The following PLPP3 variants were observed in gnomAD, a reference collection of about 807,000 sequenced individuals.
PLPP3 encodes the protein phospholipid phosphatase 3.
Under a neutral mutation model 29.6 loss-of-function variants are expected in PLPP3, and 6 were observed. That is an observed-to-expected ratio of 0.20 (90% CI 0.11 to 0.40). The LOEUF is 0.40. Ranked by LOEUF, PLPP3 falls within the 10% of genes least tolerant of loss-of-function variation. PLPP3 has a pLI of 1.00. For synonymous variants in PLPP3, 152 were observed against 159.7 expected, an observed-to-expected ratio of 0.95 and a Z score of 0.36; for missense variants, 308 against 407.7, an observed-to-expected ratio of 0.76 and a Z score of 2.11.
intron 5 of PLPP3, among the ~76,000 whole-genome samples, chr1:56,500,319 C>A (rs1645658893): frequency 6.6e-6 from 1 of 152,138 alleles, no homozygotes. Context: ...TGGAGGGAAG[C>A]AAGGGTGTTG....
intron 1 of PLPP3, among the ~76,000 whole-genome samples, chr1:56,569,568 T>C (rs1473402094): frequency 6.6e-6 from 1 of 152,148 alleles, no homozygotes; most frequent in East Asian, 1.9e-4. Context: ...ACCCAGCAAT[T>C]TCACTCCTAG....
chr1:56,567,397 T>C (rs1352515321), intron 1 of PLPP3, among the ~76,000 whole-genome samples: 6 of 106,928 alleles, frequency 5.6e-5, no homozygotes, highest in South Asian at 3.0e-4. Flanking sequence ...GTATTTCTTT[T>C]TTTTTTTTTT....
At chr1:56,532,582 A>G (rs1030830832) in intron 2 of PLPP3, among the ~76,000 whole-genome samples, 2 of 152,158 alleles carry the variant, frequency 1.3e-5, no homozygotes, top group African/African-American at 4.8e-5. Context: ...CTCTCCAGCA[A>G]GAAATTTGCA....
At chr1:56,537,856 C>G (rs551984921) in intron 1 of PLPP3, among the ~76,000 whole-genome samples, 1 of 152,314 alleles carries the variant, frequency 6.6e-6, no homozygotes, top group South Asian at 2.1e-4. Flanking sequence ...CCAGGAGAAC[C>G]AAGTGACTCT....
chr1:56,537,180 G>A, intron 1 of PLPP3, 68 bp from the exon 2 acceptor site: 1 of 1,497,636 alleles, frequency 6.7e-7, no homozygotes, highest in Non-Finnish European at 9.1e-7. Flanking sequence ...AAACATCAGT[G>A]CCAAAGAGGA....
At chr1:56,572,916 C>G (rs568123779) in intron 1 of PLPP3, among the ~76,000 whole-genome samples, 1 of 152,158 alleles carries the variant, frequency 6.6e-6, no homozygotes, top group African/African-American at 2.4e-5. Flanking sequence ...GAAACTGAAG[C>G]CTGGAGGAGG....
chr1:56,497,977 G>A (rs1645640728), intron 5 of PLPP3, among the ~76,000 whole-genome samples: 1 of 151,740 alleles, frequency 6.6e-6, no homozygotes, highest in Non-Finnish European at 1.5e-5. Flanking sequence ...AAAACCTGTT[G>A]TACCTTTTGA....
At chr1:56,532,621 TCC>T (rs1645897408) in intron 2 of PLPP3, among the ~76,000 whole-genome samples, 1 of 152,152 alleles carries the variant, frequency 6.6e-6, no homozygotes, top group Non-Finnish European at 1.5e-5. Flanking sequence ...CCCATGTGCC[TCC>T]TGGAGCATAG....
chr1:56,540,547 A>G (rs1187483283), intron 1 of PLPP3, among the ~76,000 whole-genome samples: 2 of 152,124 alleles, frequency 1.3e-5, no homozygotes, highest in Admixed American at 1.3e-4. Context: ...TTCTTTGCCT[A>G]TGGCTTGGGG....
At chr1:56,512,659 G>T (rs1237575278) in intron 4 of PLPP3, 2 of 152,340 alleles carry the variant, frequency 1.3e-5, no homozygotes, top group African/African-American at 4.8e-5. Context: ...AATAAATGCT[G>T]AGTCTTAGTT....
chr1:56,553,871 G>A (rs576336666), intron 1 of PLPP3, among the ~76,000 whole-genome samples: 5 of 152,238 alleles, frequency 3.3e-5, no homozygotes, highest in Admixed American at 6.5e-5. Context: ...CCGAGTGTGC[G>A]AAGAAGGTTC....
In PLPP3 at chr1:56,557,028, G is replaced by GAGAGAA. The variant is rs1553139350; in HGVS notation, c.140-19917_140-19916insTTCTCT. ...AAAGAAAGAGAGAGAGAGAGAGAAAGAGAGAGAGAGAGAGAGAGAGAGAGA... is the reference window on the plus strand; with the variant it reads ...AAAGAAAGAGAGAGAGAGAGAGAAAGAGAGAAAGAGAGAGAGAGAGAGAGAGAGAGA... On this transcript the variant is annotated intron_variant, in intron 1 of 5. Transcript: ENST00000371250. Among the ~76,000 whole-genome samples the GAGAGAA allele has an allele frequency of 4.0e-3, 47 of 11,730 alleles. 12 individuals carry two copies. Among genetic ancestry groups the GAGAGAA allele is most frequent in the Non-Finnish European group, 8.6e-3 (35 of 4,048 alleles). 7.7% of individuals were successfully genotyped at this position (11,730 alleles called of 152,430 possible).
chr1:56,498,973 G>C (rs1420957576), intron 5 of PLPP3, among the ~76,000 whole-genome samples: 2 of 152,112 alleles, frequency 1.3e-5, no homozygotes, highest in Non-Finnish European at 2.9e-5. Context: ...TTAGCAGCTA[G>C]ATTCATGAAA....
intron 2 of PLPP3, among the ~76,000 whole-genome samples, chr1:56,531,927 C>G (rs1366556264): frequency 1.3e-5 from 2 of 152,162 alleles, no homozygotes; most frequent in African/African-American, 4.8e-5. Context: ...CACCCCATCC[C>G]CAACACACAC....
intron 1 of PLPP3, among the ~76,000 whole-genome samples, chr1:56,556,852 A>C (rs1478993376): frequency 6.9e-6 from 1 of 145,872 alleles, no homozygotes; most frequent in Non-Finnish European, 1.5e-5. Context: ...CTTGAGGTCA[A>C]GAGTTTGAGG....
intron 1 of PLPP3, chr1:56,538,528 A>AT: frequency 2.4e-6 from 1 of 415,444 alleles, no homozygotes; most frequent in South Asian, 2.1e-5. Context: ...GGAGTTGTTT[A>AT]TTTGGCCACG....
At chr1:56,514,171 C>T (rs1321737524) in intron 4 of PLPP3, among the ~76,000 whole-genome samples, 1 of 151,658 alleles carries the variant, frequency 6.6e-6, no homozygotes, top group African/African-American at 2.4e-5. Flanking sequence ...TTGAGGGATA[C>T]AAGAAAATAA....
intron 5 of PLPP3, among the ~76,000 whole-genome samples, chr1:56,504,094 C>T (rs761311834): frequency 6.6e-6 from 1 of 152,314 alleles, no homozygotes; most frequent in African/African-American, 2.4e-5. Flanking sequence ...CTATTCACAT[C>T]ATCACTGCTA....
At chr1:56,576,936 T>C (rs1646240819) in intron 1 of PLPP3, among the ~76,000 whole-genome samples, 1 of 152,208 alleles carries the variant, frequency 6.6e-6, no homozygotes. Context: ...TACATCTCTT[T>C]CCTTTTCACT....
Sources: gnomAD v4.1 joint callset for allele counts (sites outside exome capture counted in the v4.1 genomes callset) on GRCh38, gnomAD v4.1.1 for gene constraint, MANE v1.5 for transcripts, NCBI Gene and HGNC (gene_info 2026-07-23, HGNC 2026-07-21) for gene names.